Variants in PDE1A observed in about 807,000 individuals in gnomAD.
The protein encoded by PDE1A is dual specificity calcium/calmodulin-dependent 3',5'-cyclic nucleotide phosphodiesterase 1A.
PDE1A carries 35 observed loss-of-function variants against 61.7 expected under a neutral mutation model. The ratio of observed to expected loss-of-function variants is 0.57; its 90% CI spans 0.43 to 0.75. The LOEUF is 0.75. Among genes scored for constraint, PDE1A ranks in the 30% least tolerant of loss-of-function variants. The probability of loss-of-function intolerance (pLI) is 0.00; values close to 1 mark genes in which losing one functional copy is unlikely to be tolerated. For missense variants in PDE1A, 597 were observed against 630.6 expected, an observed-to-expected ratio of 0.95 and a Z score of 0.57; for synonymous variants, 232 against 213.2, an observed-to-expected ratio of 1.09 and a Z score of -0.77.
In PDE1A at chr2:182,384,372, C is replaced by T. The variant is rs78040496; in HGVS notation, c.53+42206G>A. On this transcript the variant is annotated intron_variant, in intron 1 of 13. Transcript: ENST00000351439. ...AATTCAAAATAACCATTTAAGTAGG[C>T]TTAGTGAACTTCAGGATATATGAAA... 2.6e-5 allele frequency among the ~76,000 whole-genome samples: 4 copies of T among 150,964 alleles called. No individual in the cohort carries two copies. In the East Asian group the frequency reaches 7.8e-4, roughly 29 times the overall value.
At chr2:182,279,363 G>C (rs1393240471) in intron 1 of PDE1A, among the ~76,000 whole-genome samples, 1 of 151,922 alleles carries the variant, frequency 6.6e-6, no homozygotes, top group Non-Finnish European at 1.5e-5. Context: ...TTTAGGACTT[G>C]TTCCCTGGGA....
At chr2:182,156,998 T>A (rs1691120690) in intron 13 of PDE1A, among the ~76,000 whole-genome samples, 1 of 140,550 alleles carries the variant, frequency 7.1e-6, no homozygotes, top group African/African-American at 3.0e-5. Context: ...TTATTATTAT[T>A]ATTTTATTTT....
the PDE1A span, among the ~76,000 whole-genome samples, chr2:182,608,472 G>A: frequency 1.3e-5 from 2 of 152,212 alleles, no homozygotes; most frequent in Non-Finnish European, 2.9e-5. Context: ...AGAGGCGCAG[G>A]TGGGAACCTG....
chr2:182,373,034 G>T (rs1389523541), intron 1 of PDE1A, among the ~76,000 whole-genome samples: 3 of 152,230 alleles, frequency 2.0e-5, no homozygotes, highest in Admixed American at 6.5e-5. Flanking sequence ...GTGACAAGGA[G>T]AAATTGTTGA....
the PDE1A span, among the ~76,000 whole-genome samples, chr2:182,674,278 T>C: frequency 1.9e-4 from 29 of 152,048 alleles, no homozygotes; most frequent in Non-Finnish European, 1.0e-4. Flanking sequence ...GATTCAGTCC[T>C]TTCTATACAC....
exon 2 of PDE1A, chr2:182,264,339 C>T (rs146558594): frequency 2.2e-4 from 359 of 1,613,128 alleles, no homozygotes; most frequent in African/African-American, 5.2e-4. Flanking sequence ...GCACAGATGC[C>T]GCATATTCAA....
chr2:182,463,854 T>G (rs770140873), intron 2 of PDE1A, among the ~76,000 whole-genome samples: 1 of 152,292 alleles, frequency 6.6e-6, no homozygotes, highest in Non-Finnish European at 1.5e-5. Context: ...TGGAAAAGCA[T>G]AAGCATGAAA....
intron 1 of PDE1A, among the ~76,000 whole-genome samples, chr2:182,354,998 G>C (rs1033766158): frequency 6.6e-6 from 1 of 152,008 alleles, no homozygotes; most frequent in Non-Finnish European, 1.5e-5. Context: ...GACTATTATA[G>C]CCAGCATGTA....
intron 2 of PDE1A, among the ~76,000 whole-genome samples, chr2:182,240,715 C>T (rs559632806): frequency 6.6e-6 from 1 of 152,170 alleles, no homozygotes; most frequent in Non-Finnish European, 1.5e-5. Flanking sequence ...TTGTCATATA[C>T]TTAATAATCT....
At chr2:182,502,547 C>A (rs1271854308) in intron 2 of PDE1A, among the ~76,000 whole-genome samples, 2 of 152,128 alleles carry the variant, frequency 1.3e-5, no homozygotes, top group Non-Finnish European at 2.9e-5. Flanking sequence ...AGCCCTGACC[C>A]CCTATCTGTC....
At chr2:182,542,585 A>C in the PDE1A span, among the ~76,000 whole-genome samples, 1 of 152,172 alleles carries the variant, frequency 6.6e-6, no homozygotes, top group Non-Finnish European at 1.5e-5. Flanking sequence ...AATTTTTTAT[A>C]AATCTCATTT....
chr2:182,358,698 C>A (rs566335900), intron 1 of PDE1A, among the ~76,000 whole-genome samples: 47 of 152,226 alleles, frequency 3.1e-4, no homozygotes, highest in South Asian at 6.2e-4. Context: ...TACTAAGCGA[C>A]AGGCAGGATC....
chr2:182,622,502 T>C, the PDE1A span, among the ~76,000 whole-genome samples: 4 of 152,346 alleles, frequency 2.6e-5, no homozygotes, highest in African/African-American at 9.6e-5. Context: ...AGTAGTCTTT[T>C]GTAAGTGTTG....
At chr2:182,157,308 A>C (rs1426311578) in intron 13 of PDE1A, among the ~76,000 whole-genome samples, 3 of 151,910 alleles carry the variant, frequency 2.0e-5, no homozygotes, top group Non-Finnish European at 4.4e-5. Flanking sequence ...AGCCACTGTG[A>C]CCAGCCTATT....
chr2:182,534,789 T>C, the PDE1A span, among the ~76,000 whole-genome samples: 1 of 151,958 alleles, frequency 6.6e-6, no homozygotes, highest in Non-Finnish European at 1.5e-5. Flanking sequence ...ACTTTTTATG[T>C]AGTTAAATTT....
At chr2:182,265,017 A>G (rs1027991503) in intron 1 of PDE1A, among the ~76,000 whole-genome samples, 2 of 151,524 alleles carry the variant, frequency 1.3e-5, no homozygotes, top group African/African-American at 4.8e-5. Context: ...TGGAAAGCCA[A>G]ATATAGTATG....
At chr2:182,679,350 ATTTTTTT>A in the PDE1A span, among the ~76,000 whole-genome samples, 16 of 119,438 alleles carry the variant, frequency 1.3e-4, no homozygotes, top group East Asian at 2.4e-4. Flanking sequence ...TGCTCAGCTA[ATTTTTTT>A]TTTTTTTTTT....
At chr2:182,703,260 A>C in the PDE1A span, among the ~76,000 whole-genome samples, 10 of 152,348 alleles carry the variant, frequency 6.6e-5, no homozygotes, top group South Asian at 2.1e-3. Context: ...CTGTTAGATT[A>C]ATTTCAATTT....
At chr2:182,471,777 A>C (rs1687045339) in intron 2 of PDE1A, among the ~76,000 whole-genome samples, 1 of 151,818 alleles carries the variant, frequency 6.6e-6, no homozygotes, top group Non-Finnish European at 1.5e-5. Flanking sequence ...CTTCCTCTAA[A>C]CTTTTTTATT....
Sources: gnomAD v4.1 joint callset for allele counts (sites outside exome capture counted in the v4.1 genomes callset) on GRCh38, gnomAD v4.1.1 for gene constraint, MANE v1.5 for transcripts, NCBI Gene and HGNC (gene_info 2026-07-23, HGNC 2026-07-21) for gene names.